The following PRKG1 variants were observed in gnomAD, a reference collection of about 807,000 sequenced individuals.
PRKG1 encodes the protein protein kinase cGMP-dependent 1.
A neutral mutation model predicts 88.1 loss-of-function variants in PRKG1; 35 were observed. The ratio of observed to expected loss-of-function variants is 0.40; its 90% confidence interval spans 0.30 to 0.53. The LOEUF (loss-of-function observed/expected upper bound fraction) is 0.53, where lower values mean the gene tolerates loss of function less well. Ranked by LOEUF, PRKG1 falls within the 20% of genes least tolerant of loss-of-function variation. PRKG1 has a pLI of 0.59. For synonymous variants in PRKG1, 303 were observed against 292.5 expected, an observed-to-expected ratio of 1.04 and a Z score of -0.37; for missense variants, 540 against 839.8, an observed-to-expected ratio of 0.64 and a Z score of 4.41.
At chr10:51,868,609 C>A (rs1192825098) in intron 4 of PRKG1, among the ~76,000 whole-genome samples, 1 of 152,186 alleles carries the variant, frequency 6.6e-6, no homozygotes, top group Admixed American at 6.5e-5. Context: ...ATCTTCATAG[C>A]TTTACAGTGC....
intron 4 of PRKG1, among the ~76,000 whole-genome samples, chr10:51,842,979 G>C (rs1840314400): frequency 6.6e-6 from 1 of 151,244 alleles, no homozygotes. Context: ...TTAAAGCTTT[G>C]GCACATTTTG....
intron 2 of PRKG1, among the ~76,000 whole-genome samples, chr10:51,311,074 GAGGAGTGTGTAC>G (rs1841173918): frequency 6.6e-6 from 1 of 152,166 alleles, no homozygotes; most frequent in African/African-American, 2.4e-5. Flanking sequence ...AAAAGGGAAT[GAGGAGTGTGTAC>G]AGCACTTTTC....
chr10:52,024,318 T>TTTTGG (rs1554793245), intron 5 of PRKG1, among the ~76,000 whole-genome samples: 22 of 141,214 alleles, frequency 1.6e-4, no homozygotes, highest in African/African-American at 4.8e-4. Flanking sequence ...TTTATTTAAC[T>TTTTGG]TTTTTTTTTA....
chr10:51,750,735 C>T (rs1187788029), intron 3 of PRKG1, among the ~76,000 whole-genome samples: 2 of 152,122 alleles, frequency 1.3e-5, no homozygotes, highest in African/African-American at 4.8e-5. Context: ...CATTTTCTTC[C>T]TCCCACGAAA....
chr10:51,068,944 A>G (rs890997284), intron 1 of PRKG1, among the ~76,000 whole-genome samples: 1 of 151,972 alleles, frequency 6.6e-6, no homozygotes, highest in African/African-American at 2.4e-5. Context: ...TCAAAATACA[A>G]AAAACCTAAT....
chr10:51,198,305 T>C (rs758768856), intron 2 of PRKG1, among the ~76,000 whole-genome samples: 3 of 152,128 alleles, frequency 2.0e-5, no homozygotes, highest in Non-Finnish European at 4.4e-5. Flanking sequence ...CTAGAGTGTA[T>C]GGCTAGGAGG....
intron 2 of PRKG1, among the ~76,000 whole-genome samples, chr10:51,264,270 T>G (rs1839786378): frequency 6.6e-6 from 1 of 152,178 alleles, no homozygotes; most frequent in African/African-American, 2.4e-5. Flanking sequence ...ATCCAAAATG[T>G]TGATTGAGTA....
intron 7 of PRKG1, among the ~76,000 whole-genome samples, chr10:52,070,511 G>C (rs1485472826): frequency 6.6e-6 from 1 of 152,058 alleles, no homozygotes; most frequent in Admixed American, 6.6e-5. Context: ...ATCTCCTTTT[G>C]AGAATGCAGT....
At chr10:52,168,493 C>A (rs1838558151) in intron 9 of PRKG1, among the ~76,000 whole-genome samples, 2 of 152,076 alleles carry the variant, frequency 1.3e-5, no homozygotes, top group South Asian at 4.2e-4. Flanking sequence ...ATGACAGATA[C>A]CAAATCTCAC....
At chr10:51,319,173 G>T (rs1479294419) in intron 2 of PRKG1, among the ~76,000 whole-genome samples, 1 of 152,172 alleles carries the variant, frequency 6.6e-6, no homozygotes, top group Non-Finnish European at 1.5e-5. Flanking sequence ...CCTTGAAGGA[G>T]ATTTTGAGTG....
At chr10:51,192,922 C>T (rs1427893040) in intron 2 of PRKG1, among the ~76,000 whole-genome samples, 1 of 151,902 alleles carries the variant, frequency 6.6e-6, no homozygotes, top group Non-Finnish European at 1.5e-5. Flanking sequence ...TTGGAAAAAT[C>T]TGGTCTCTAC....
chr10:51,699,608 C>G, intron 3 of PRKG1: 1 of 1,534,890 alleles, frequency 6.5e-7, no homozygotes, highest in South Asian at 1.3e-5. Context: ...CCTCTTGCGA[C>G]CGACACTTCC....
intron 2 of PRKG1, among the ~76,000 whole-genome samples, chr10:51,281,946 T>A (rs1840310286): frequency 6.6e-6 from 1 of 152,154 alleles, no homozygotes; most frequent in Non-Finnish European, 1.5e-5. Flanking sequence ...GAAATCAGCA[T>A]TTTTCATAGT....
chr10:51,782,842 A>G (rs1399782951), intron 3 of PRKG1, among the ~76,000 whole-genome samples: 3 of 152,108 alleles, frequency 2.0e-5, no homozygotes, highest in African/African-American at 7.2e-5. Flanking sequence ...ATGGAACTGT[A>G]AGTCCAATTA....
intron 5 of PRKG1, among the ~76,000 whole-genome samples, chr10:52,016,936 G>C (rs932721654): frequency 6.6e-6 from 1 of 152,038 alleles, no homozygotes; most frequent in Admixed American, 6.6e-5. Context: ...GTTATTTTTT[G>C]AGCAGACACT....
At chr10:51,009,928 G>A (rs959641057) in intron 1 of PRKG1, among the ~76,000 whole-genome samples, 6 of 152,196 alleles carry the variant, frequency 3.9e-5, no homozygotes, top group South Asian at 2.1e-4. Flanking sequence ...ATTCTCATAC[G>A]CCTGCTATCA....
intron 3 of PRKG1, among the ~76,000 whole-genome samples, chr10:51,701,631 C>CCTT (rs1209889921): frequency 6.6e-6 from 1 of 150,598 alleles, no homozygotes; most frequent in African/African-American, 2.5e-5. Context: ...TATTTTTCTT[C>CCTT]CTTCTATACC....
chr10:51,620,177 A>G (rs1449299221), intron 3 of PRKG1, among the ~76,000 whole-genome samples: 1 of 152,136 alleles, frequency 6.6e-6, no homozygotes, highest in Non-Finnish European at 1.5e-5. Flanking sequence ...TTTGCATTCC[A>G]AATTTTAGCA....
At chr10:52,176,644 C>G (rs776708804) in intron 9 of PRKG1, among the ~76,000 whole-genome samples, 13 of 152,020 alleles carry the variant, frequency 8.6e-5, no homozygotes, top group South Asian at 6.2e-4. Flanking sequence ...AATTCTGATC[C>G]ATGAGTATAA....
Sources: allele counts gnomAD v4.1 joint callset (sites outside exome capture counted in the v4.1 genomes callset), GRCh38; gene constraint gnomAD v4.1.1; transcripts MANE v1.5; gene names NCBI Gene and HGNC (gene_info 2026-07-23, HGNC 2026-07-21).